The following TIAM2 variants were observed in gnomAD, a reference collection of about 807,000 sequenced individuals.
TIAM2 encodes rho guanine nucleotide exchange factor TIAM2.
TIAM2 carries 80 observed loss-of-function variants against 152.9 expected under a neutral mutation model. The observed-to-expected ratio is 0.52, with a 90% CI of 0.44 to 0.63. TIAM2 has a LOEUF of 0.63. Among genes scored for constraint, TIAM2 ranks in the 30% least tolerant of loss-of-function variants. TIAM2 has a pLI of 0.00. For missense variants in TIAM2, 1,965 were observed against 2,120.1 expected (o/e 0.93, Z 1.44); for synonymous variants, 804 against 838.0 (o/e 0.96, Z 0.70).
chr6:155,085,628 A>G (rs916628534), intron 1 of TIAM2, among the ~76,000 whole-genome samples: 4 of 152,204 alleles, frequency 2.6e-5, no homozygotes, highest in African/African-American at 9.6e-5. Context: ...CGAGTAGGAC[A>G]TGGGGCAGAA....
At chr6:154,996,991 A>G (rs570282738) in intron 1 of TIAM2, among the ~76,000 whole-genome samples, 2 of 144,856 alleles carry the variant, frequency 1.4e-5, no homozygotes, top group East Asian at 2.3e-4. Flanking sequence ...AGCTTTCAAC[A>G]CCTTCACATA....
At chr6:155,212,165 A>C (rs1174482164) in intron 15 of TIAM2, among the ~76,000 whole-genome samples, 1 of 152,072 alleles carries the variant, frequency 6.6e-6, no homozygotes, top group Non-Finnish European at 1.5e-5. Context: ...TGCTGGAGTG[A>C]ATGTTGGTGT....
rs1778202849 is a variant in TIAM2, at chr6:154,995,842, C to G, written c.-209+350C>G. 3.3e-5 allele frequency among the ~76,000 whole-genome samples: 5 copies of G among 152,180 alleles called. No homozygotes were observed. In the South Asian group the frequency reaches 1.0e-3, roughly 32 times the overall value. ...TCCCATCCCGGATGGGAGGAGGCGG[C>G]GCCCCGGCCTCCTGATACCGAGGTT... On this transcript the variant is annotated intron_variant, in intron 1 of 26. Coordinates refer to ENST00000682666, the MANE Select transcript of TIAM2 (RefSeq NM_012454.4). This position sits in a 1 kb window ranked among gnomAD's most constrained non-coding sequence, Gnocchi z 5.2.
chr6:155,040,542 G>C (rs908353885), intron 1 of TIAM2, among the ~76,000 whole-genome samples: 1 of 152,030 alleles, frequency 6.6e-6, no homozygotes, highest in East Asian at 1.9e-4. Flanking sequence ...TTGTTGAGAC[G>C]GAGTCTTGCT....
chr6:155,115,107 C>T (rs540870667), intron 2 of TIAM2, among the ~76,000 whole-genome samples: 1 of 147,858 alleles, frequency 6.8e-6, no homozygotes, highest in Non-Finnish European at 1.5e-5. Flanking sequence ...GGATTACAGG[C>T]GTGAGCCACT....
Position 155,029,438 on chromosome 6 carries a change from T to TAATATATACTATA in TIAM2, c.-209+33946_-209+33947insAATATATACTATA, listed in dbSNP as rs1158692554. 5.3e-3 allele frequency among the ~76,000 whole-genome samples: 172 copies of TAATATATACTATA among 32,154 alleles called. 33 individuals carry two copies. Among genetic ancestry groups the TAATATATACTATA allele is most frequent in the Non-Finnish European group, 8.2e-3 (148 of 18,158 alleles). The allele number at this position is 32,154 out of a possible 152,430, so 21.1% of individuals were successfully genotyped here. A position where few individuals can be genotyped will look rare whatever the true frequency, so the allele number is the denominator to read the frequency against. On this transcript the variant is annotated intron_variant, in intron 1 of 26. Coordinates refer to ENST00000682666, the MANE Select transcript of TIAM2 (RefSeq NM_012454.4). ...TATACTATATATACTATAGTATATATTATACTATAGTATATATTATATATA... is the reference window on the plus strand; with the variant it reads ...TATACTATATATACTATAGTATATATAATATATACTATATATACTATAGTATATATTATATATA...
intron 9 of TIAM2, among the ~76,000 whole-genome samples, chr6:155,171,642 A>C (rs1156840488): frequency 6.6e-6 from 1 of 152,226 alleles, no homozygotes; most frequent in Non-Finnish European, 1.5e-5. Flanking sequence ...TGAATGAAAC[A>C]GCTTACTCTT....
chr6:155,001,080 TGTAGA>T (rs1778305463), intron 1 of TIAM2, among the ~76,000 whole-genome samples: 1 of 152,084 alleles, frequency 6.6e-6, no homozygotes, highest in Non-Finnish European at 1.5e-5. Flanking sequence ...GTGGTAACAG[TGTAGA>T]TCATCAAAGG....
At chr6:155,179,761 A>G (rs1206052209) in intron 12 of TIAM2, among the ~76,000 whole-genome samples, 1 of 152,230 alleles carries the variant, frequency 6.6e-6, no homozygotes. Context: ...TGCTCTGAGC[A>G]GACCAACTCA....
intron 1 of TIAM2, among the ~76,000 whole-genome samples, chr6:155,030,347 A>G (rs967364295): frequency 6.6e-6 from 1 of 152,136 alleles, no homozygotes; most frequent in Admixed American, 6.6e-5. Context: ...GGTTGTTACA[A>G]TTGAACTGCC....
At chr6:155,089,515 T>C (rs1041771272) in intron 1 of TIAM2, among the ~76,000 whole-genome samples, 1 of 152,150 alleles carries the variant, frequency 6.6e-6, no homozygotes, top group African/African-American at 2.4e-5. Flanking sequence ...CCTCATCTGT[T>C]TAATAAGTTA....
In TIAM2 at chr6:155,243,846, C is replaced by CAAA. The variant is rs59365890; in HGVS notation, c.3349-136_3349-134dup. On this transcript the variant is annotated intron_variant, in intron 16 of 26. Coordinates refer to ENST00000682666, the MANE Select transcript of TIAM2 (RefSeq NM_012454.4). The stretch of plus-strand genomic sequence containing the variant: ...TGGGTGACAGAGCAAGACTCCGTCT[C>CAAA]AAAAAAAAAAAAAAAAAAAAAAAAA... Among the ~76,000 whole-genome samples, 98 of 55,050 alleles carry CAAA rather than the reference C, an allele frequency of 1.8e-3. 1 individual carries two copies. The highest frequency in any genetic ancestry group is 4.0e-3 in the African/African-American group (50 of 12,398). 36.1% of individuals were successfully genotyped at this position (55,050 alleles called of 152,430 possible).
rs1554249320 is a variant in TIAM2, at chr6:155,256,776, C to T, written c.4761C>T (p.Asp1587=). 3 of 1,614,224 alleles carry T rather than the reference C, an allele frequency of 1.9e-6. No individual in the cohort carries two copies. The highest frequency in any genetic ancestry group is 1.7e-5 in the Admixed American group (1 of 60,026). Residue 1587 remains aspartate (D), a synonymous_variant, in exon 27 of 27, where the codon GAC becomes GAT. Coordinates refer to ENST00000682666, the MANE Select transcript of TIAM2 (RefSeq NM_012454.4). ...QTVKQGSPTK[D]IEIQFQRLRI... ...TGAAGCAGGGCAGCCCTACTAAAGA[C>T]ATCGAAATTCAGTTCCAGAGACTGA...
chr6:155,088,052 C>CTTTTTTTTTT (rs113372173), intron 1 of TIAM2, among the ~76,000 whole-genome samples: 3 of 119,024 alleles, frequency 2.5e-5, no homozygotes, highest in African/African-American at 6.5e-5. Flanking sequence ...TTCTTTCTTT[C>CTTTTTTTTTT]TTTTTTTTTT....
chr6:155,024,261 G>T (rs1371796371), intron 1 of TIAM2, among the ~76,000 whole-genome samples: 8 of 152,180 alleles, frequency 5.3e-5, no homozygotes, highest in African/African-American at 1.4e-4. Context: ...TGCTTTAGGA[G>T]AACTGAAAGA....
chr6:155,244,793 TCA>T lies in TIAM2; in HGVS notation c.3543+11_3543+12del. On this transcript the variant is annotated intron_variant, in intron 18 of 26. Transcript: ENST00000682666. Reference sequence around the variant, plus strand: ...CCCCTCACAGTTTAGAGTAAGTATCTCAGATTTAGGCTTAAAGTAAAAATACG... The same window carrying T: ...CCCCTCACAGTTTAGAGTAAGTATCTGATTTAGGCTTAAAGTAAAAATACG... 6.3e-7 allele frequency: 1 copy of T among 1,599,884 alleles called. No homozygotes were observed. The highest frequency in any genetic ancestry group is 8.5e-7 in the Non-Finnish European group (1 of 1,173,572).
intron 18 of TIAM2, among the ~76,000 whole-genome samples, chr6:155,245,386 C>T (rs1783259896): frequency 6.6e-6 from 1 of 152,192 alleles, no homozygotes; most frequent in African/African-American, 2.4e-5. Context: ...TGTTTCTTGT[C>T]CTTGGATTGC....
chr6:155,049,578 A>G (rs1488001694), intron 1 of TIAM2, among the ~76,000 whole-genome samples: 2 of 152,104 alleles, frequency 1.3e-5, no homozygotes, highest in Admixed American at 6.6e-5. Flanking sequence ...TGCCTGCTGC[A>G]TTAACAGCGG....
intron 2 of TIAM2, among the ~76,000 whole-genome samples, chr6:155,098,048 G>A (rs1778457628): frequency 6.6e-6 from 1 of 152,112 alleles, no homozygotes; most frequent in African/African-American, 2.4e-5. Context: ...TCTTAAGCCA[G>A]TACCATGCTC....
Sources: gnomAD v4.1 joint callset for allele counts (sites outside exome capture counted in the v4.1 genomes callset) on GRCh38, gnomAD v4.1.1 for gene constraint, Gnocchi (gnomAD v3.1) non-coding constraint, MANE v1.5 for transcripts, NCBI Gene and HGNC (gene_info 2026-07-23, HGNC 2026-07-21) for gene names.